DCUN1D4: variants seen among roughly 807,000 people sequenced by gnomAD.
DCUN1D4 encodes DCN1-like protein 4.
A neutral mutation model predicts 47.9 loss-of-function variants in DCUN1D4; 22 were observed. That is an observed-to-expected ratio of 0.46 (90% CI 0.33 to 0.66). DCUN1D4 has a LOEUF of 0.66. DCUN1D4 is among the 30% of genes least tolerant of loss of function. The pLI is 0.02. For missense variants in DCUN1D4, 301 were observed against 340.8 expected, an observed-to-expected ratio of 0.88 and a Z score of 0.92; for synonymous variants, 121 against 112.2, an observed-to-expected ratio of 1.08 and a Z score of -0.50.
the DCUN1D4 span, among the ~76,000 whole-genome samples, chr4:51,834,099 C>CTTTTTTTTT: frequency 2.5e-4 from 10 of 40,808 alleles, no homozygotes; most frequent in East Asian, 1.4e-3. Context: ...TTCTTTTCTT[C>CTTTTTTTTT]TTTCTTTTTT....
chr4:51,882,715 C>T (rs955636723), intron 5 of DCUN1D4, among the ~76,000 whole-genome samples: 2 of 152,018 alleles, frequency 1.3e-5, no homozygotes, highest in East Asian at 3.9e-4. Flanking sequence ...TGCAGTGAGC[C>T]GAGATTGCAC....
At chr4:51,842,459 A>C (rs1367127853), upstream of DCUN1D4, among the ~76,000 whole-genome samples, 1 of 152,210 alleles carries the variant, frequency 6.6e-6, no homozygotes, top group East Asian at 1.9e-4. Context: ...AAAGAAGTAC[A>C]TTTCGAAAGT....
chr4:51,841,171 G>A (rs1721626321), upstream of DCUN1D4, among the ~76,000 whole-genome samples: 1 of 152,060 alleles, frequency 6.6e-6, no homozygotes, highest in South Asian at 2.1e-4. Flanking sequence ...ATTTAGAGGT[G>A]TCACGAAGGA....
intron 1 of DCUN1D4, among the ~76,000 whole-genome samples, chr4:51,846,334 G>A (rs958508265): frequency 7.2e-5 from 11 of 152,090 alleles, no homozygotes; most frequent in Non-Finnish European, 4.4e-5. Flanking sequence ...AGGATTTTTA[G>A]GTAATCTTGT....
chr4:51,881,926 G>T (rs1045821027), intron 5 of DCUN1D4, among the ~76,000 whole-genome samples: 11 of 152,098 alleles, frequency 7.2e-5, no homozygotes, highest in African/African-American at 2.7e-4. Flanking sequence ...CCAACAATTT[G>T]GGAGGCTGAG....
intron 8 of DCUN1D4, 77 bp downstream of exon 8, chr4:51,899,455 T>G (rs994196212): frequency 6.7e-7 from 1 of 1,500,060 alleles, no homozygotes; most frequent in African/African-American, 1.4e-5. Flanking sequence ...GGTTAGTTTT[T>G]ACATGCCACA....
intron 6 of DCUN1D4, among the ~76,000 whole-genome samples, chr4:51,888,910 G>A (rs1729982007): frequency 6.6e-6 from 1 of 152,032 alleles, no homozygotes; most frequent in African/African-American, 2.4e-5. Context: ...CAGGAGTTCA[G>A]ACCAGCCTGG....
chr4:51,864,293 A>T (rs1368846624), intron 3 of DCUN1D4, among the ~76,000 whole-genome samples: 40 of 152,298 alleles, frequency 2.6e-4, no homozygotes, highest in Admixed American at 2.5e-3. Flanking sequence ...TGTGATGCTG[A>T]TGGAGCTGGT....
chr4:51,838,163 A>C (rs1431417386), upstream of DCUN1D4, among the ~76,000 whole-genome samples: 1 of 152,160 alleles, frequency 6.6e-6, no homozygotes, highest in Admixed American at 6.5e-5. Flanking sequence ...TCAGTGATAT[A>C]TCGAAGTCGA....
chr4:51,859,638 C>A (rs377654364), intron 1 of DCUN1D4, among the ~76,000 whole-genome samples: 26 of 39,488 alleles, frequency 6.6e-4, no homozygotes, highest in Non-Finnish European at 7.9e-4. Flanking sequence ...TTAAAACAAG[C>A]AAAAAAAAAA....
At chr4:51,885,540 GAAGAT>G (rs10540715) in intron 5 of DCUN1D4, among the ~76,000 whole-genome samples, 49,623 of 151,644 alleles carry the variant, frequency 0.33, 11,765 homozygotes, top group African/African-American at 0.68. Context: ...GTTTGAAGCA[GAAGAT>G]GAGTGTAGTT....
At chr4:51,846,144 G>GC (rs1013493821) in intron 1 of DCUN1D4, among the ~76,000 whole-genome samples, 1 of 151,994 alleles carries the variant, frequency 6.6e-6, no homozygotes, top group African/African-American at 2.4e-5. Context: ...TACACATATA[G>GC]CCCACCTCCC....
chr4:51,863,373 T>A (rs899912744), intron 1 of DCUN1D4, 64 bp from the exon 2 acceptor site: 2 of 1,273,636 alleles, frequency 1.6e-6, no homozygotes, highest in African/African-American at 3.0e-5. Flanking sequence ...GTTTATTTTC[T>A]GAGTTTGTTT....
At chr4:51,845,821 G>A (rs936992153) in intron 1 of DCUN1D4, among the ~76,000 whole-genome samples, 2 of 152,172 alleles carry the variant, frequency 1.3e-5, no homozygotes, top group African/African-American at 2.4e-5. Flanking sequence ...ATTGTTTGAT[G>A]GTTCTTTTCA....
At chr4:51,883,770 G>A (rs148299398) in intron 5 of DCUN1D4, among the ~76,000 whole-genome samples, 284 of 152,182 alleles carry the variant, frequency 1.9e-3, no homozygotes, top group Non-Finnish European at 3.5e-3. Context: ...TCTATAGATG[G>A]CTTATTTTGA....
intron 6 of DCUN1D4, among the ~76,000 whole-genome samples, chr4:51,890,734 G>A (rs959782490): frequency 6.6e-6 from 1 of 152,178 alleles, no homozygotes; most frequent in African/African-American, 2.4e-5. Context: ...ATCAGGCATG[G>A]CCTCAACCCT....
intron 1 of DCUN1D4, chr4:51,843,526 G>A (rs1044165461): frequency 1.5e-6 from 2 of 1,293,618 alleles, no homozygotes; most frequent in East Asian, 3.2e-5. Context: ...CTCTTTCAGT[G>A]TTGGGGGAAG....
chr4:51,885,762 C>A (rs1729382710), intron 5 of DCUN1D4, among the ~76,000 whole-genome samples: 1 of 151,904 alleles, frequency 6.6e-6, no homozygotes, highest in South Asian at 2.1e-4. Context: ...CTGGGAGAAG[C>A]AGAAGAACCC....
intron 1 of DCUN1D4, among the ~76,000 whole-genome samples, chr4:51,846,771 G>A (rs893604262): frequency 4.6e-5 from 7 of 152,158 alleles, no homozygotes; most frequent in African/African-American, 1.7e-4. Context: ...TGGTTCTAAA[G>A]CTGGTGCAGT....
Sources: allele counts gnomAD v4.1 joint callset (sites outside exome capture counted in the v4.1 genomes callset), GRCh38; gene constraint gnomAD v4.1.1; transcripts MANE v1.5; gene names NCBI Gene and HGNC (gene_info 2026-07-23, HGNC 2026-07-21).